Variants in SLC39A11 observed in about 807,000 individuals in gnomAD.
SLC39A11 encodes solute carrier family 39 member 11, also known as zinc transporter ZIP11.
SLC39A11 carries 33 observed loss-of-function variants against 36.1 expected under a neutral mutation model. That is an observed-to-expected ratio of 0.91 (90% confidence interval 0.69 to 1.22). The LOEUF is 1.22. Among genes scored for constraint, SLC39A11 ranks in the 50% most tolerant of loss-of-function variants. The probability of loss-of-function intolerance (pLI) is 0.00; values close to 1 mark genes in which losing one functional copy is unlikely to be tolerated. For missense variants in SLC39A11, 432 were observed against 430.3 expected, an observed-to-expected ratio of 1.00 and a Z score of -0.03; for synonymous variants, 166 against 170.3, an observed-to-expected ratio of 0.97 and a Z score of 0.20.
chr17:72,974,986 G>A (rs1453750061), intron 4 of SLC39A11, among the ~76,000 whole-genome samples: 1 of 152,202 alleles, frequency 6.6e-6, no homozygotes, highest in African/African-American at 2.4e-5. Context: ...TACAGCCTAT[G>A]TGTGCAGTAG....
chr17:72,959,325 G>GTATATATATATATATA (rs1186282631), intron 4 of SLC39A11, among the ~76,000 whole-genome samples: 4 of 65,540 alleles, frequency 6.1e-5, no homozygotes, highest in Admixed American at 1.9e-4. Flanking sequence ...GTGTGTGTGT[G>GTATATATATATATATA]TATATATATA....
rs541623585 is a variant in SLC39A11 at position 72,678,154 on chromosome 17, T to C, written c.672-28886A>G. Among the ~76,000 whole-genome samples, 4 of 152,334 alleles carry C rather than the reference T, an allele frequency of 2.6e-5. 1 individual carries two copies. The highest frequency in any genetic ancestry group is 3.9e-4 in the East Asian group (2 of 5,186). On this transcript the variant is annotated intron_variant, in intron 7 of 9. Transcript: ENST00000255559. ...CAAAGCTTCCCATAAAGGGCTGCCA[T>C]AAATGGCAGTTTGGATGCCCGTTCC...
chr17:72,880,806 T>C (rs61061732), intron 5 of SLC39A11, among the ~76,000 whole-genome samples: 1 of 145,126 alleles, frequency 6.9e-6, no homozygotes, highest in Non-Finnish European at 1.5e-5. Flanking sequence ...CTCAGCCTCC[T>C]GAGTAGCTGG....
At chr17:72,834,026 G>A (rs2145753647) in intron 6 of SLC39A11, among the ~76,000 whole-genome samples, 1 of 152,270 alleles carries the variant, frequency 6.6e-6, no homozygotes, top group Middle Eastern at 3.4e-3. Flanking sequence ...CTCTTACACT[G>A]TCTTCCAGAA....
intron 6 of SLC39A11, among the ~76,000 whole-genome samples, chr17:72,841,949 G>A (rs756554994): frequency 3.3e-5 from 5 of 151,838 alleles, no homozygotes; most frequent in Non-Finnish European, 5.9e-5. Context: ...GTATGCACCT[G>A]TAGTCCCAGC....
chr17:72,987,926 G>T (rs1374801284), intron 4 of SLC39A11, among the ~76,000 whole-genome samples: 2 of 152,110 alleles, frequency 1.3e-5, no homozygotes, highest in Non-Finnish European at 2.9e-5. Flanking sequence ...ATTACTCTTG[G>T]CATGAATGGT....
chr17:72,822,244 TACTA>T (rs921777801), intron 6 of SLC39A11, among the ~76,000 whole-genome samples: 5 of 147,864 alleles, frequency 3.4e-5, no homozygotes, highest in African/African-American at 9.8e-5. Flanking sequence ...TATACACACA[TACTA>T]TATATATATA....
chr17:72,748,668 T>C (rs974498888), intron 6 of SLC39A11, among the ~76,000 whole-genome samples: 1 of 152,072 alleles, frequency 6.6e-6, no homozygotes, highest in African/African-American at 2.4e-5. Flanking sequence ...CATCTCGGAG[T>C]CAATTTCAAT....
intron 6 of SLC39A11, among the ~76,000 whole-genome samples, chr17:72,775,153 C>T (rs987172186): frequency 9.2e-5 from 14 of 152,150 alleles, no homozygotes; most frequent in Non-Finnish European, 1.9e-4. Context: ...CAAGACCTCC[C>T]ACTGTGACAC....
At chr17:72,784,521 G>A (rs1010796053) in intron 6 of SLC39A11, among the ~76,000 whole-genome samples, 3 of 152,000 alleles carry the variant, frequency 2.0e-5, no homozygotes, top group Non-Finnish European at 4.4e-5. Context: ...GATATAGTTC[G>A]GATATTTGAC....
intron 5 of SLC39A11, among the ~76,000 whole-genome samples, chr17:72,902,517 G>A (rs755425413): frequency 2.6e-5 from 4 of 152,152 alleles, no homozygotes; most frequent in East Asian, 3.8e-4. Flanking sequence ...AAATCTCTAC[G>A]GTTTTAAGTC....
intron 4 of SLC39A11, among the ~76,000 whole-genome samples, chr17:72,979,005 T>C (rs1275122132): frequency 6.6e-6 from 1 of 152,158 alleles, no homozygotes; most frequent in Non-Finnish European, 1.5e-5. Context: ...GGTTAGGTTT[T>C]GTGTCTCCAC....
intron 7 of SLC39A11, among the ~76,000 whole-genome samples, chr17:72,715,848 C>A (rs146425802): frequency 3.4e-4 from 52 of 152,164 alleles, no homozygotes; most frequent in African/African-American, 1.2e-3. Context: ...GGATTACAGG[C>A]ATGTGCCACC....
chr17:72,735,228 C>T (rs2074376668), intron 7 of SLC39A11, among the ~76,000 whole-genome samples: 1 of 152,150 alleles, frequency 6.6e-6, no homozygotes, highest in African/African-American at 2.4e-5. Flanking sequence ...AGCAGGCACG[C>T]TTCTTAACGT....
At chr17:73,045,492 T>G (rs929260428) in intron 3 of SLC39A11, among the ~76,000 whole-genome samples, 2 of 150,684 alleles carry the variant, frequency 1.3e-5, no homozygotes, top group Non-Finnish European at 3.0e-5. Flanking sequence ...CAGCCAACAT[T>G]TACTAAGCAA....
intron 3 of SLC39A11, among the ~76,000 whole-genome samples, chr17:73,051,983 T>C (rs1158541212): frequency 6.6e-6 from 1 of 151,892 alleles, no homozygotes; most frequent in African/African-American, 2.4e-5. Flanking sequence ...GTCACCTCTA[T>C]GGGCCTCAGT....
At chr17:72,801,141 C>CT (rs1261708010) in intron 6 of SLC39A11, among the ~76,000 whole-genome samples, 1 of 152,160 alleles carries the variant, frequency 6.6e-6, no homozygotes, top group Non-Finnish European at 1.5e-5. Context: ...TAGTGGCTGC[C>CT]TAGGGCTTGA....
intron 3 of SLC39A11, among the ~76,000 whole-genome samples, chr17:73,066,329 G>C (rs1450966173): frequency 6.6e-6 from 1 of 152,182 alleles, no homozygotes; most frequent in African/African-American, 2.4e-5. Context: ...CCCCAGGCAA[G>C]ACCAGCAGAA....
At chr17:72,888,241 A>T (rs4290533) in intron 5 of SLC39A11, among the ~76,000 whole-genome samples, 63,364 of 151,732 alleles carry the variant, frequency 0.42, 14,402 homozygotes, top group East Asian at 0.69. Context: ...TTAAGCTCGA[A>T]TAAATTATAA....
Sources: allele counts gnomAD v4.1 joint callset (sites outside exome capture counted in the v4.1 genomes callset), GRCh38; gene constraint gnomAD v4.1.1; transcripts MANE v1.5; gene names NCBI Gene and HGNC (gene_info 2026-07-23, HGNC 2026-07-21).